Variants in FRMD5 observed in about 807,000 individuals in gnomAD.
FRMD5 encodes the protein FERM domain containing 5.
Under a neutral mutation model 69.0 loss-of-function variants are expected in FRMD5, and 20 were observed. The ratio of observed to expected loss-of-function variants is 0.29; its 90% confidence interval spans 0.20 to 0.42. The LOEUF (loss-of-function observed/expected upper bound fraction) is 0.42. FRMD5 is among the 10% of genes least tolerant of loss of function. FRMD5 has a pLI of 1.00. For missense variants in FRMD5, 595 were observed against 708.6 expected (o/e 0.84, Z 1.82); for synonymous variants, 271 against 260.1 (o/e 1.04, Z -0.40).
chr15:44,141,528 C>T (rs2077273851), intron 1 of FRMD5, among the ~76,000 whole-genome samples: 1 of 152,082 alleles, frequency 6.6e-6, no homozygotes, highest in Non-Finnish European at 1.5e-5. Flanking sequence ...AGATCACTAC[C>T]ATATAACAAA....
intron 1 of FRMD5, among the ~76,000 whole-genome samples, chr15:44,175,471 T>C (rs567825940): frequency 2.0e-5 from 3 of 152,310 alleles, no homozygotes; most frequent in Admixed American, 6.5e-5. Flanking sequence ...CACCAAGTGC[T>C]GGTAAGGACA....
intron 1 of FRMD5, among the ~76,000 whole-genome samples, chr15:43,949,223 C>T (rs1011636015): frequency 1.3e-5 from 2 of 152,220 alleles, no homozygotes; most frequent in Admixed American, 6.5e-5. Context: ...CTGCAAGGTT[C>T]CCTGACATCC....
chr15:44,189,550 G>C (rs2078159534), intron 1 of FRMD5, among the ~76,000 whole-genome samples: 1 of 150,938 alleles, frequency 6.6e-6, no homozygotes, highest in Non-Finnish European at 1.5e-5. Context: ...GTGCAATGGT[G>C]CTATCTCGGC....
chr15:43,999,178 C>T (rs539077337), intron 1 of FRMD5, among the ~76,000 whole-genome samples: 1 of 152,138 alleles, frequency 6.6e-6, no homozygotes, highest in South Asian at 2.1e-4. Flanking sequence ...AGTGATTCTC[C>T]TGCCTCAGCT....
intron 1 of FRMD5, among the ~76,000 whole-genome samples, chr15:44,008,463 C>G (rs1890560691): frequency 6.6e-6 from 1 of 151,180 alleles, no homozygotes; most frequent in Non-Finnish European, 1.5e-5. Context: ...ATGTGGTTTC[C>G]TCATGATGGC....
rs2088258506 is a variant in FRMD5 at position 43,874,289 on chromosome 15, C to T, written c.1309G>A (p.Glu437Lys). 8 of 1,614,256 alleles carry T rather than the reference C, an allele frequency of 5.0e-6. No homozygotes were observed. Among genetic ancestry groups the T allele is most frequent in the Non-Finnish European group, 6.8e-6 (8 of 1,180,050 alleles). ...AGCAACATCAGCTCCAGGCTGTGCT[C>T]AGCCACAGGGGTGGGCAGCACGCTG... ...ADSVLPTPVAEHSLELMLLSR... is the reference protein window; with the variant it reads ...ADSVLPTPVAKHSLELMLLSR... The change falls in exon 14 of 14, where the codon GAG (glutamate) becomes AAG (lysine). Residue 437 changes from glutamate to lysine, a missense_variant. Physicochemically the swap from Glu to Lys is moderately conservative, Grantham distance 56. Around this residue, in one of 5 missense-constraint regions of FRMD5, gnomAD observed 245 missense variants for 227.1 expected, o/e 1.08. Coordinates refer to ENST00000417257, the MANE Select transcript of FRMD5 (RefSeq NM_032892.5).
Position 43,871,145 on chromosome 15 carries a change from T to C in FRMD5, c.*2740A>G, listed in dbSNP as rs918955513. On this transcript the variant is annotated 3_prime_UTR_variant, in exon 14 of 14. Transcript: ENST00000417257. ...TGAACAATTTTTAAAGGTGGAGATA[T>C]ACCAAAAAAGACTAGTCACCAATCA... 1.1e-4 allele frequency: 16 copies of C among 152,162 alleles called. No individual in the cohort carries two copies. Among genetic ancestry groups the C allele is most frequent in the Admixed American group, 3.3e-4 (5 of 15,276 alleles). 9.4% of individuals were successfully genotyped at this position (152,162 alleles called of 1,614,324 possible). A position where few individuals can be genotyped will look rare whatever the true frequency, so the allele number is the denominator to read the frequency against.
At chr15:44,139,659 G>T (rs1489358235) in intron 1 of FRMD5, among the ~76,000 whole-genome samples, 1 of 141,410 alleles carries the variant, frequency 7.1e-6, no homozygotes, top group Non-Finnish European at 1.5e-5. Context: ...GGGAGGCTGA[G>T]GGGGCAAGAT....
At chr15:43,899,246 T>C (rs1443016861) in intron 7 of FRMD5, among the ~76,000 whole-genome samples, 2 of 152,130 alleles carry the variant, frequency 1.3e-5, no homozygotes, top group African/African-American at 4.8e-5. Flanking sequence ...CCTAAACTGT[T>C]CTCTTTGCTG....
Position 43,919,910 on chromosome 15 carries a change from G to C in FRMD5, c.208-101C>G, listed in dbSNP as rs529890237. 2.4e-5 allele frequency: 26 copies of C among 1,077,998 alleles called. No individual in the cohort carries two copies. Among genetic ancestry groups the C allele is most frequent in the East Asian group, 2.4e-4 (10 of 42,056 alleles). The allele number at this position is 1,077,998 out of a possible 1,614,324, so 66.8% of individuals were successfully genotyped here. ...AAAACTAGACAGATTGTAGCCTAGG[G>C]TGAAAGCAGCCCAAAAGCTTATGAA... On this transcript the variant is annotated intron_variant, in intron 2 of 13. Coordinates refer to ENST00000417257, the MANE Select transcript of FRMD5 (RefSeq NM_032892.5).
At chr15:44,046,750 T>G (rs1323779479) in intron 1 of FRMD5, among the ~76,000 whole-genome samples, 1 of 152,226 alleles carries the variant, frequency 6.6e-6, no homozygotes, top group Non-Finnish European at 1.5e-5. Context: ...TTGCAAATTC[T>G]TGGAAACACC....
chr15:43,951,064 G>A (rs2090018520), intron 1 of FRMD5, among the ~76,000 whole-genome samples: 1 of 152,118 alleles, frequency 6.6e-6, no homozygotes, highest in African/African-American at 2.4e-5. Flanking sequence ...TGCATCACCT[G>A]AAACATTTAT....
chr15:44,061,359 T>C (rs1175703768), intron 1 of FRMD5, among the ~76,000 whole-genome samples: 1 of 152,194 alleles, frequency 6.6e-6, no homozygotes, highest in Non-Finnish European at 1.5e-5. Context: ...GGGCTTAAAG[T>C]AGACAAACTG....
At chr15:43,937,677 C>G (rs983773636) in intron 1 of FRMD5, among the ~76,000 whole-genome samples, 35 of 148,018 alleles carry the variant, frequency 2.4e-4, no homozygotes, top group Admixed American at 6.7e-4. Context: ...CTCCTGGGAA[C>G]AACATCCATG....
At chr15:44,189,994 G>A (rs1326506475) in intron 1 of FRMD5, among the ~76,000 whole-genome samples, 1 of 152,140 alleles carries the variant, frequency 6.6e-6, no homozygotes, top group African/African-American at 2.4e-5. Context: ...GAGGTGGTTG[G>A]CCTAAGCCCC....
At chr15:43,929,716 G>A (rs73404429) in intron 1 of FRMD5, among the ~76,000 whole-genome samples, 4,066 of 152,312 alleles carry the variant, frequency 0.027, 171 homozygotes, top group African/African-American at 0.092. Context: ...ACAGTTGAAC[G>A]AGTTGTCCTT....
intron 1 of FRMD5, among the ~76,000 whole-genome samples, chr15:43,976,706 G>A (rs931412236): frequency 3.3e-5 from 5 of 152,010 alleles, no homozygotes; most frequent in African/African-American, 4.8e-5. Context: ...TGCTCTTGTC[G>A]CCCAAGCTGG....
intron 1 of FRMD5, among the ~76,000 whole-genome samples, chr15:44,095,244 C>T (rs867242948): frequency 4.6e-5 from 7 of 151,426 alleles, no homozygotes; most frequent in African/African-American, 1.7e-4. Context: ...GCTCTGTTGC[C>T]CAGGCTGCAG....
intron 1 of FRMD5, among the ~76,000 whole-genome samples, chr15:44,059,523 C>CT (rs1253127743): frequency 6.6e-6 from 1 of 151,986 alleles, no homozygotes; most frequent in African/African-American, 2.4e-5. Context: ...TTCTTTCTTT[C>CT]TTTTTTGAGA....
Sources: gnomAD v4.1 joint callset for allele counts (sites outside exome capture counted in the v4.1 genomes callset) on GRCh38, gnomAD v4.1.1 for gene constraint, gnomAD v4.1.1 regional missense constraint, MANE v1.5 for transcripts, NCBI Gene and HGNC (gene_info 2026-07-23, HGNC 2026-07-21) for gene names.